RGS6: variants seen among roughly 807,000 people sequenced by gnomAD.
RGS6 encodes regulator of G protein signaling 6.
RGS6 carries 30 observed loss-of-function variants against 78.5 expected under a neutral mutation model. That is an observed-to-expected ratio of 0.38 (90% CI 0.29 to 0.52). The LOEUF (loss-of-function observed/expected upper bound fraction) is 0.52. RGS6 is among the 20% of genes least tolerant of loss of function. RGS6 has a pLI of 0.85. For missense variants in RGS6, 495 were observed against 609.7 expected (o/e 0.81, Z 1.98); for synonymous variants, 206 against 206.0 (o/e 1.00, Z 0.00).
rs148393051 is a variant in RGS6 at position 72,392,229 on chromosome 14, A to C, written c.184+40035A>C. On this transcript the variant is annotated intron_variant, in intron 3 of 17. Transcript: ENST00000553525. ...TTGTCACAAGGATTTGACCTTATGC[A>C]ATTATGTTTGCTGGTTAAGCAGCCT... 2.3e-3 allele frequency among the ~76,000 whole-genome samples: 349 copies of C among 152,040 alleles called. 3 individuals carry two copies. The highest frequency in any genetic ancestry group is 8.3e-3 in the African/African-American group (342 of 41,438).
At chr14:72,505,661 G>A (rs1175317466) in intron 13 of RGS6, among the ~76,000 whole-genome samples, 1 of 152,214 alleles carries the variant, frequency 6.6e-6, no homozygotes, top group Non-Finnish European at 1.5e-5. Context: ...ATAGGCTTTG[G>A]AGACAGGCAG....
chr14:72,011,780 G>T (rs898652057), intron 2 of RGS6, among the ~76,000 whole-genome samples: 3 of 152,112 alleles, frequency 2.0e-5, no homozygotes, highest in South Asian at 2.1e-4. Flanking sequence ...GTATCCTCTG[G>T]GGGGGTACTG....
At chr14:72,526,072 G>T (rs2097113043) in intron 15 of RGS6, among the ~76,000 whole-genome samples, 1 of 151,776 alleles carries the variant, frequency 6.6e-6, no homozygotes, top group East Asian at 1.9e-4. Context: ...CAAACCCCAT[G>T]ACCTCCTTGA....
At position 72,432,806 on chromosome 14, in the gene RGS6, C is replaced by T. The variant is rs144287856; in HGVS notation, c.185-21722C>T. Among the ~76,000 whole-genome samples the T allele has an allele frequency of 4.1e-4, 63 of 152,282 alleles. 1 individual carries two copies. The East Asian group carries it at 9.8e-3, about 24-fold the overall frequency. On this transcript the variant is annotated intron_variant, in intron 3 of 17. Coordinates refer to ENST00000553525, the MANE Select transcript of RGS6 (RefSeq NM_001204424.2). ...TGTTTATTTTAACAAAATTCTATGA[C>T]CCCAGGACCATGTTTCTAAGAGTAG...
the RGS6 span, among the ~76,000 whole-genome samples, chr14:72,625,695 T>C: frequency 6.6e-6 from 1 of 152,228 alleles, no homozygotes; most frequent in Non-Finnish European, 1.5e-5. Flanking sequence ...CTTATTTCTG[T>C]CTATTAATAT....
chr14:72,494,611 A>G (rs2096620046), intron 12 of RGS6, among the ~76,000 whole-genome samples: 1 of 152,230 alleles, frequency 6.6e-6, no homozygotes, highest in Non-Finnish European at 1.5e-5. Flanking sequence ...TATAAGATCA[A>G]CATATCTATT....
intron 2 of RGS6, among the ~76,000 whole-genome samples, chr14:72,195,016 T>A (rs2039695970): frequency 6.6e-6 from 1 of 152,124 alleles, no homozygotes; most frequent in Non-Finnish European, 1.5e-5. Context: ...AAGACCAGCC[T>A]GGCCAACATA....
At chr14:72,243,786 A>G (rs1245006093) in intron 2 of RGS6, among the ~76,000 whole-genome samples, 2 of 150,002 alleles carry the variant, frequency 1.3e-5, no homozygotes, top group African/African-American at 2.5e-5. Context: ...ATAACCCTGT[A>G]TCTGTTGTCA....
chr14:72,378,108 C>A (rs926100544), intron 3 of RGS6, among the ~76,000 whole-genome samples: 4 of 152,076 alleles, frequency 2.6e-5, no homozygotes, highest in Non-Finnish European at 4.4e-5. Context: ...TCCTGAGTGA[C>A]CAGTGAGTGA....
the RGS6 span, among the ~76,000 whole-genome samples, chr14:71,899,796 T>A: frequency 6.6e-6 from 1 of 152,346 alleles, no homozygotes; most frequent in South Asian, 2.1e-4. Context: ...CTCTCATTGG[T>A]CACCTTACAG....
chr14:72,503,723 G>A (rs1158384574), intron 13 of RGS6, among the ~76,000 whole-genome samples: 1 of 151,960 alleles, frequency 6.6e-6, no homozygotes, highest in Non-Finnish European at 1.5e-5. Context: ...ACCCACTGGG[G>A]CAGCAGCCCC....
chr14:72,476,525 A>G (rs1233246703), intron 10 of RGS6, among the ~76,000 whole-genome samples: 1 of 152,260 alleles, frequency 6.6e-6, no homozygotes, highest in Non-Finnish European at 1.5e-5. Context: ...TTTTCAGCCC[A>G]ATAAAAGATA....
chr14:71,913,290 T>C, the RGS6 span, among the ~76,000 whole-genome samples: 5 of 152,302 alleles, frequency 3.3e-5, no homozygotes, highest in Middle Eastern at 3.4e-3. Flanking sequence ...ACTTGCTCAA[T>C]ATGTGTAAGG....
At chr14:71,898,999 T>C in the RGS6 span, among the ~76,000 whole-genome samples, 113 of 152,298 alleles carry the variant, frequency 7.4e-4, no homozygotes, top group African/African-American at 2.5e-3. Context: ...ATAACTCCAA[T>C]ATTGTTTTTT....
intron 3 of RGS6, among the ~76,000 whole-genome samples, chr14:72,454,280 T>G (rs556556027): frequency 7.2e-5 from 11 of 152,244 alleles, no homozygotes; most frequent in African/African-American, 2.2e-4. Flanking sequence ...AGACACTTCC[T>G]AGAAACATGA....
chr14:72,411,428 CTT>C (rs2093404862), intron 3 of RGS6, among the ~76,000 whole-genome samples: 1 of 152,164 alleles, frequency 6.6e-6, no homozygotes, highest in Admixed American at 6.5e-5. Flanking sequence ...TATCCTGAGA[CTT>C]TGCTGAAGTT....
the RGS6 span, among the ~76,000 whole-genome samples, chr14:71,872,195 G>T: frequency 6.6e-6 from 1 of 152,182 alleles, no homozygotes; most frequent in African/African-American, 2.4e-5. Context: ...CTCACTAAGA[G>T]AAGCTGAAAA....
At position 72,043,116 on chromosome 14, in the gene RGS6, T is replaced by A. The variant is rs553529315; in HGVS notation, c.84+78241T>A. 2.0e-5 allele frequency among the ~76,000 whole-genome samples: 3 copies of A among 152,316 alleles called. No individual in the cohort carries two copies. In the South Asian group the frequency reaches 6.2e-4, roughly 32 times the overall value. Reference sequence around the variant, plus strand: ...GTGATATTGGAAATGTCCCTTTCAATTAGTTTTTACTCTTTATTTATTAAG... The same window carrying A: ...GTGATATTGGAAATGTCCCTTTCAAATAGTTTTTACTCTTTATTTATTAAG... On this transcript the variant is annotated intron_variant, in intron 2 of 17. Coordinates refer to ENST00000553525, the MANE Select transcript of RGS6 (RefSeq NM_001204424.2).
chr14:72,153,510 A>T (rs2096724159), intron 2 of RGS6, among the ~76,000 whole-genome samples: 1 of 152,196 alleles, frequency 6.6e-6, no homozygotes, highest in Non-Finnish European at 1.5e-5. Context: ...ATAGCTGGGT[A>T]TTGGGGGAAC....
Sources: allele counts gnomAD v4.1 joint callset (sites outside exome capture counted in the v4.1 genomes callset), GRCh38; gene constraint gnomAD v4.1.1; transcripts MANE v1.5; gene names NCBI Gene and HGNC (gene_info 2026-07-23, HGNC 2026-07-21).